EPHA3: variants seen among roughly 807,000 people sequenced by gnomAD.
The protein encoded by EPHA3 is ephrin type-A receptor 3.
EPHA3 carries 42 observed loss-of-function variants against 107.1 expected under a neutral mutation model. The ratio of observed to expected loss-of-function variants is 0.39; its 90% CI spans 0.31 to 0.51. The LOEUF is 0.51. Among genes scored for constraint, EPHA3 ranks in the 20% least tolerant of loss-of-function variants. The probability of loss-of-function intolerance (pLI) is 0.78; values close to 1 mark genes in which losing one functional copy is unlikely to be tolerated. For synonymous variants in EPHA3, 461 were observed against 424.8 expected, an observed-to-expected ratio of 1.09 and a Z score of -1.05; for missense variants, 1,183 against 1,211.2, an observed-to-expected ratio of 0.98 and a Z score of 0.35.
chr3:89,409,805 G>A (rs1474064244), intron 9 of EPHA3, among the ~76,000 whole-genome samples: 1 of 152,034 alleles, frequency 6.6e-6, no homozygotes, highest in Non-Finnish European at 1.5e-5. Context: ...GCTTCAAAAG[G>A]AAAGAAATGT....
At chr3:89,388,064 G>A (rs1708657388) in intron 5 of EPHA3, among the ~76,000 whole-genome samples, 2 of 152,088 alleles carry the variant, frequency 1.3e-5, no homozygotes, top group Non-Finnish European at 2.9e-5. Context: ...TAATTCTATT[G>A]AGAAAATTAC....
chr3:89,186,595 T>G (rs1265845659), intron 2 of EPHA3, among the ~76,000 whole-genome samples: 2 of 152,112 alleles, frequency 1.3e-5, no homozygotes, highest in Non-Finnish European at 2.9e-5. Context: ...TTACATTTAT[T>G]AGCCCTAAAT....
chr3:89,375,719 T>C (rs57058226), intron 5 of EPHA3, among the ~76,000 whole-genome samples: 2,322 of 152,018 alleles, frequency 0.015, 43 homozygotes, highest in African/African-American at 0.053. Flanking sequence ...GTAGCTGACA[T>C]CTTGAAATTG....
At chr3:89,115,431 T>C (rs535399968) in intron 1 of EPHA3, among the ~76,000 whole-genome samples, 1 of 152,174 alleles carries the variant, frequency 6.6e-6, no homozygotes, top group Admixed American at 6.5e-5. Context: ...CCTCTTCCAA[T>C]ATTGGGAGTA....
chr3:89,180,614 G>A (rs533014876), intron 2 of EPHA3, among the ~76,000 whole-genome samples: 1 of 151,898 alleles, frequency 6.6e-6, no homozygotes, highest in Non-Finnish European at 1.5e-5. Flanking sequence ...GTTTAGTAGC[G>A]TTATAAGGCC....
At chr3:89,388,714 C>A (rs1005626895) in intron 5 of EPHA3, among the ~76,000 whole-genome samples, 1 of 152,074 alleles carries the variant, frequency 6.6e-6, no homozygotes, top group Non-Finnish European at 1.5e-5. Flanking sequence ...ATTTTGTATC[C>A]TACTGTAGTC....
intron 7 of EPHA3, among the ~76,000 whole-genome samples, chr3:89,405,748 C>T (rs182245642): frequency 6.6e-6 from 1 of 152,196 alleles, no homozygotes; most frequent in East Asian, 1.9e-4. Context: ...CTGAGGTATT[C>T]ATGTACTTAA....
At chr3:89,213,458 G>A (rs1390184791) in intron 3 of EPHA3, among the ~76,000 whole-genome samples, 1 of 151,832 alleles carries the variant, frequency 6.6e-6, no homozygotes, top group Non-Finnish European at 1.5e-5. Context: ...AGAATGCATT[G>A]CAAATAAAGA....
chr3:89,415,103 C>T (rs1449882300), intron 10 of EPHA3, among the ~76,000 whole-genome samples: 1 of 151,280 alleles, frequency 6.6e-6, no homozygotes, highest in Non-Finnish European at 1.5e-5. Context: ...GCCTTGATGA[C>T]CTTTCAGAGG....
chr3:89,322,513 CATACATGTTTGGAAACT>C (rs1707067422), intron 3 of EPHA3, among the ~76,000 whole-genome samples: 2 of 152,178 alleles, frequency 1.3e-5, no homozygotes, highest in South Asian at 2.1e-4. Flanking sequence ...ATTTGAAAGT[CATACATGTTTGGAAACT>C]ATGTAAATGA....
chr3:89,319,878 A>C (rs1169892803), intron 3 of EPHA3, among the ~76,000 whole-genome samples: 3 of 152,022 alleles, frequency 2.0e-5, no homozygotes, highest in Non-Finnish European at 4.4e-5. Context: ...ACTAATCTGG[A>C]AACTTTTAAA....
At chr3:89,459,722 C>A (rs1382498851) in intron 15 of EPHA3, among the ~76,000 whole-genome samples, 1 of 152,078 alleles carries the variant, frequency 6.6e-6, no homozygotes, top group Non-Finnish European at 1.5e-5. Flanking sequence ...GGGGTTTCAC[C>A]GTGTTGACCA....
chr3:89,272,657 T>G (rs1705702484), intron 3 of EPHA3, among the ~76,000 whole-genome samples: 1 of 152,012 alleles, frequency 6.6e-6, no homozygotes, highest in Non-Finnish European at 1.5e-5. Flanking sequence ...TTTAAACTCC[T>G]CAAATTCACT....
intron 2 of EPHA3, among the ~76,000 whole-genome samples, chr3:89,163,905 T>G (rs1330871159): frequency 6.6e-6 from 1 of 152,146 alleles, no homozygotes; most frequent in East Asian, 1.9e-4. Flanking sequence ...TTTATCCAGG[T>G]GAATAAGAGG....
intron 2 of EPHA3, among the ~76,000 whole-genome samples, chr3:89,130,307 A>G (rs1704178803): frequency 6.6e-6 from 1 of 152,192 alleles, no homozygotes; most frequent in Non-Finnish European, 1.5e-5. Flanking sequence ...GTCCATAACT[A>G]AGGAGATTTG....
intron 5 of EPHA3, among the ~76,000 whole-genome samples, chr3:89,394,181 G>A (rs533165261): frequency 2.6e-5 from 4 of 152,204 alleles, no homozygotes; most frequent in Admixed American, 6.5e-5. Context: ...GAGGCCTACC[G>A]GGGAGAATCA....
At chr3:89,446,761 CTGACA>C (rs1359597378) in intron 13 of EPHA3, among the ~76,000 whole-genome samples, 1 of 151,304 alleles carries the variant, frequency 6.6e-6, no homozygotes, top group African/African-American at 2.4e-5. Context: ...TGAAAGTATA[CTGACA>C]TGATCCTTTC....
chr3:89,369,657 G>T (rs1367651619), intron 5 of EPHA3, among the ~76,000 whole-genome samples: 3 of 148,410 alleles, frequency 2.0e-5, no homozygotes, highest in Non-Finnish European at 4.5e-5. Flanking sequence ...TTGACAAATG[G>T]GATCTAATTA....
At chr3:89,450,450 A>T (rs2107555786) in intron 15 of EPHA3, 80 bp downstream of exon 15, 5 of 1,405,728 alleles carry the variant, frequency 3.6e-6, no homozygotes, top group South Asian at 2.7e-5. Flanking sequence ...TTTTTAGCCC[A>T]CCCCCAAAAT....
Sources: gnomAD v4.1 joint callset for allele counts (sites outside exome capture counted in the v4.1 genomes callset) on GRCh38, gnomAD v4.1.1 for gene constraint, MANE v1.5 for transcripts, NCBI Gene and HGNC (gene_info 2026-07-23, HGNC 2026-07-21) for gene names.